SLC9B1: variants seen among roughly 807,000 people sequenced by gnomAD.
The protein encoded by SLC9B1 is sodium/hydrogen exchanger 9B1.
A neutral mutation model predicts 51.7 loss-of-function variants in SLC9B1; 32 were observed. The ratio of observed to expected loss-of-function variants is 0.62; its 90% CI spans 0.47 to 0.83. SLC9B1 has a LOEUF of 0.83. Ranked by LOEUF, SLC9B1 falls within the 40% of genes least tolerant of loss-of-function variation. The pLI is 0.00. For synonymous variants in SLC9B1, 145 were observed against 212.7 expected (o/e 0.68, Z 2.77); for missense variants, 406 against 613.2 (o/e 0.66, Z 3.57).
At chr4:103,004,095 G>A (rs1740663939) in intron 1 of SLC9B1, among the ~76,000 whole-genome samples, 1 of 152,096 alleles carries the variant, frequency 6.6e-6, no homozygotes, top group Admixed American at 6.5e-5. Context: ...TCTTAACCAG[G>A]CTGAAATGAC....
intron 7 of SLC9B1, among the ~76,000 whole-genome samples, chr4:102,927,300 A>G (rs557940385): frequency 1.9e-3 from 282 of 152,356 alleles, no homozygotes; most frequent in African/African-American, 6.6e-3. Context: ...AACTGCCATC[A>G]GAGTGAACCA....
chr4:102,966,744 CA>C (rs1290610383), intron 3 of SLC9B1, among the ~76,000 whole-genome samples: 1 of 152,212 alleles, frequency 6.6e-6, no homozygotes, highest in South Asian at 2.1e-4. Context: ...TCTCTTCTCT[CA>C]GTGCTAATCT....
chr4:102,913,246 C>T (rs114632473), intron 7 of SLC9B1, among the ~76,000 whole-genome samples: 2,571 of 152,282 alleles, frequency 0.017, 71 homozygotes, highest in African/African-American at 0.056. Flanking sequence ...ACCCAACTGG[C>T]ATACTTTGGA....
At chr4:102,981,742 A>C (rs1269152555) in intron 3 of SLC9B1, among the ~76,000 whole-genome samples, 1 of 152,054 alleles carries the variant, frequency 6.6e-6, no homozygotes, top group African/African-American at 2.4e-5. Context: ...TTCTTTTTAT[A>C]TTTTGATAAC....
At chr4:102,984,884 G>T (rs924665467) in intron 3 of SLC9B1, among the ~76,000 whole-genome samples, 54 of 151,992 alleles carry the variant, frequency 3.6e-4, no homozygotes, top group African/African-American at 9.2e-4. Flanking sequence ...AAAAGGGTCT[G>T]GCTATGTTCC....
chr4:103,005,554 C>A (rs1309884884), intron 1 of SLC9B1, among the ~76,000 whole-genome samples: 1 of 152,074 alleles, frequency 6.6e-6, no homozygotes, highest in African/African-American at 2.4e-5. Flanking sequence ...ATCACTGAGG[C>A]AGAAAACTGA....
chr4:102,959,726 G>T (rs887488640), intron 3 of SLC9B1, among the ~76,000 whole-genome samples: 3 of 152,122 alleles, frequency 2.0e-5, no homozygotes, highest in Non-Finnish European at 2.9e-5. Flanking sequence ...TCAGGGGCCC[G>T]CTTGGCTGGT....
chr4:102,911,986 A>G, intron 7 of SLC9B1: 1 of 194,068 alleles, frequency 5.2e-6, no homozygotes, highest in Non-Finnish European at 1.1e-5. Flanking sequence ...TACAAAAATT[A>G]GCTGGGCATG....
chr4:102,896,527 A>G (rs1473117493), downstream of SLC9B1, among the ~76,000 whole-genome samples: 1 of 152,246 alleles, frequency 6.6e-6, no homozygotes, highest in African/African-American at 2.4e-5. Flanking sequence ...ATTCATTTTT[A>G]GTAATTGAAA....
chr4:102,994,082 C>T (rs900396236), intron 1 of SLC9B1, among the ~76,000 whole-genome samples: 27 of 152,184 alleles, frequency 1.8e-4, no homozygotes, highest in Admixed American at 1.4e-3. Flanking sequence ...TGGTGATTAA[C>T]ATTTGACTCC....
chr4:102,926,241 G>T (rs1400951141), intron 7 of SLC9B1, among the ~76,000 whole-genome samples: 1 of 152,242 alleles, frequency 6.6e-6, no homozygotes, highest in Non-Finnish European at 1.5e-5. Flanking sequence ...TGGAAGTTCT[G>T]ACCAGTGCAA....
intron 3 of SLC9B1, among the ~76,000 whole-genome samples, chr4:102,949,994 T>C (rs867064956): frequency 5.3e-4 from 81 of 151,954 alleles, no homozygotes; most frequent in African/African-American, 1.9e-3. Flanking sequence ...AAAACCTATA[T>C]GTGAACTCTG....
chr4:102,918,245 A>T (rs1263901300), intron 7 of SLC9B1, among the ~76,000 whole-genome samples: 2 of 152,056 alleles, frequency 1.3e-5, no homozygotes, highest in Non-Finnish European at 2.9e-5. Context: ...TTACAGAAAT[A>T]AAAAGGATTC....
At chr4:102,996,975 G>A (rs1740259447) in intron 1 of SLC9B1, among the ~76,000 whole-genome samples, 1 of 148,776 alleles carries the variant, frequency 6.7e-6, no homozygotes, top group African/African-American at 2.5e-5. Flanking sequence ...TAAATTTTTA[G>A]TAGAGTCGAA....
intron 1 of SLC9B1, among the ~76,000 whole-genome samples, chr4:103,011,851 C>G (rs1186240455): frequency 6.6e-6 from 1 of 152,150 alleles, no homozygotes; most frequent in Non-Finnish European, 1.5e-5. Flanking sequence ...TCCCTTGAAA[C>G]TGTTCTGCCC....
chr4:103,004,607 T>C (rs887523330), intron 1 of SLC9B1, among the ~76,000 whole-genome samples: 13 of 152,174 alleles, frequency 8.5e-5, no homozygotes, highest in African/African-American at 2.4e-4. Flanking sequence ...CTATACACAA[T>C]GACCATCCCC....
At position 102,911,469 on chromosome 4, in the gene SLC9B1, A is replaced by T. The variant is rs1351497246; in HGVS notation, c.898T>A (p.Leu300Met). The T allele has an allele frequency of 6.3e-7, 1 of 1,597,078 alleles. No homozygotes were observed. Among genetic ancestry groups the T allele is most frequent in the African/African-American group, 1.3e-5 (1 of 74,974 alleles). Residue 300 changes from leucine (L) to methionine (M), a missense_variant, in exon 8 of 12, where the codon TTG (leucine) becomes ATG (methionine). Leu to Met is a conservative substitution (Grantham distance 15). Around this residue, in one of 6 missense-constraint regions of SLC9B1, gnomAD observed 250 missense variants for 394.1 expected, o/e 0.63. Transcript: ENST00000296422. ...VCISLLAGIV[L>M]GFFVRYFPSE... ...GGAAAATATCGAACAAAAAATCCCA[A>T]AACAATTCCTGCCAGCAGACTAATA...
chr4:102,995,285 A>C (rs1740155800), intron 1 of SLC9B1, among the ~76,000 whole-genome samples: 1 of 152,214 alleles, frequency 6.6e-6, no homozygotes. Context: ...ATTATAAAAA[A>C]CATTTTCAGT....
chr4:102,923,671 C>T (rs1333098607), intron 7 of SLC9B1, among the ~76,000 whole-genome samples: 1 of 129,598 alleles, frequency 7.7e-6, no homozygotes, highest in African/African-American at 3.2e-5. Context: ...ACCCCATCAT[C>T]TCAGCCCAAA....
Sources: allele counts gnomAD v4.1 joint callset (sites outside exome capture counted in the v4.1 genomes callset), GRCh38; gene constraint gnomAD v4.1.1; regional missense constraint gnomAD v4.1.1; transcripts MANE v1.5; gene names NCBI Gene and HGNC (gene_info 2026-07-23, HGNC 2026-07-21).